ZNF704: variants seen among roughly 807,000 people sequenced by gnomAD.
ZNF704 encodes zinc finger protein 704.
A neutral mutation model predicts 44.7 loss-of-function variants in ZNF704; 10 were observed. That is an observed-to-expected ratio of 0.22 (90% CI 0.14 to 0.38). The LOEUF is 0.38. Ranked by LOEUF, ZNF704 falls within the 10% of genes least tolerant of loss-of-function variation. ZNF704 has a pLI of 1.00. For synonymous variants in ZNF704, 211 were observed against 207.6 expected, an observed-to-expected ratio of 1.02 and a Z score of -0.14; for missense variants, 390 against 545.5, an observed-to-expected ratio of 0.71 and a Z score of 2.84.
At chr8:80,687,623 C>T (rs1488568042) in intron 3 of ZNF704, among the ~76,000 whole-genome samples, 165 bp from the exon 4 acceptor site, 1 of 152,142 alleles carries the variant, frequency 6.6e-6, no homozygotes, top group African/African-American at 2.4e-5. Flanking sequence ...ACGCCCCCTC[C>T]CAAAAGCCAC....
chr8:80,822,051 C>T (rs1808281785), intron 1 of ZNF704, among the ~76,000 whole-genome samples: 1 of 152,174 alleles, frequency 6.6e-6, no homozygotes, highest in Non-Finnish European at 1.5e-5. Flanking sequence ...GTCTTAACCA[C>T]ACTCTGTAGT....
At chr8:80,716,774 G>C (rs574368211) in intron 2 of ZNF704, among the ~76,000 whole-genome samples, 47 of 152,288 alleles carry the variant, frequency 3.1e-4, no homozygotes, top group Non-Finnish European at 6.5e-4. Context: ...CTGAAAACAA[G>C]AACTCAAGAA....
chr8:80,642,929 G>T, intron 8 of ZNF704, 106 bp downstream of exon 8: 1 of 679,310 alleles, frequency 1.5e-6, no homozygotes, highest in Non-Finnish European at 2.2e-6. Context: ...TTTGTCAATT[G>T]TGGAGAAATT....
intron 2 of ZNF704, among the ~76,000 whole-genome samples, chr8:80,800,981 TG>T (rs1410571165): frequency 6.6e-6 from 1 of 151,912 alleles, no homozygotes; most frequent in Non-Finnish European, 1.5e-5. Flanking sequence ...ACCAAGCAAA[TG>T]GAACACAGAA....
At chr8:80,863,220 TCAAAA>T (rs1809099226) in intron 1 of ZNF704, among the ~76,000 whole-genome samples, 1 of 152,140 alleles carries the variant, frequency 6.6e-6, no homozygotes, top group Non-Finnish European at 1.5e-5. Flanking sequence ...AACCTGACAA[TCAAAA>T]CATTTTCAAA....
rs1563500502 is a variant in ZNF704, at chr8:80,641,241, C to T, written c.*125G>A. 1 of 530,206 alleles carries T rather than the reference C, an allele frequency of 1.9e-6. No homozygotes were observed. Among genetic ancestry groups the T allele is most frequent in the Non-Finnish European group, 3.2e-6 (1 of 312,166 alleles). 32.8% of individuals were successfully genotyped at this position (530,206 alleles called of 1,614,324 possible). On this transcript the variant is annotated 3_prime_UTR_variant, in exon 9 of 9. Transcript: ENST00000327835. The stretch of plus-strand genomic sequence containing the variant: ...TTTTTGCTGTTATTCCTCCAAGGTT[C>T]CTGAAAGGGCTTTTCCTGGCTTCAA...
intron 3 of ZNF704, among the ~76,000 whole-genome samples, chr8:80,689,835 T>C (rs1818602682): frequency 6.6e-6 from 1 of 152,166 alleles, no homozygotes; most frequent in Non-Finnish European, 1.5e-5. Context: ...AGAAATGATT[T>C]TTCTCAGAAA....
At chr8:80,673,624 C>CGACT (rs1375234105) in intron 4 of ZNF704, among the ~76,000 whole-genome samples, 2 of 152,124 alleles carry the variant, frequency 1.3e-5, no homozygotes, top group African/African-American at 4.8e-5. Context: ...ATTTAGAAGA[C>CGACT]GACTCATCAG....
rs1817562930 is a variant in ZNF704, at chr8:80,630,332, T to A, written c.*11034A>T. 1.3e-5 allele frequency: 2 copies of A among 152,252 alleles called. No homozygotes were observed. Among genetic ancestry groups the A allele is most frequent in the African/African-American group, 2.4e-5 (1 of 41,468 alleles). 9.4% of individuals were successfully genotyped at this position (152,252 alleles called of 1,614,324 possible). ...GCTTTTGAGTTAGCACTCAATGACA[T>A]GTGAATGCCTGTCATTTCCACACGA... On this transcript the variant is annotated 3_prime_UTR_variant, in exon 9 of 9. Coordinates refer to ENST00000327835, the MANE Select transcript of ZNF704 (RefSeq NM_001033723.3).
chr8:80,724,406 C>T (rs1162509255), intron 2 of ZNF704, among the ~76,000 whole-genome samples: 3 of 152,198 alleles, frequency 2.0e-5, no homozygotes, highest in African/African-American at 7.2e-5. Context: ...TTAAGCTCAT[C>T]CAACCATATA....
intron 2 of ZNF704, among the ~76,000 whole-genome samples, chr8:80,772,250 C>A (rs1807332936): frequency 6.6e-6 from 1 of 151,946 alleles, no homozygotes; most frequent in Non-Finnish European, 1.5e-5. Context: ...GAACTGTTCT[C>A]TTTTTATTTT....
chr8:80,853,559 AT>A (rs1310459127), intron 1 of ZNF704, among the ~76,000 whole-genome samples: 2 of 152,206 alleles, frequency 1.3e-5, no homozygotes, highest in Non-Finnish European at 2.9e-5. Flanking sequence ...GGAAAAAAAA[AT>A]TAAAAAAAAG....
chr8:80,777,113 AT>A (rs960540724), intron 2 of ZNF704, among the ~76,000 whole-genome samples: 2 of 151,894 alleles, frequency 1.3e-5, no homozygotes, highest in Non-Finnish European at 2.9e-5. Flanking sequence ...GGGCAAAGTT[AT>A]TTTTTTTAAA....
intron 2 of ZNF704, among the ~76,000 whole-genome samples, chr8:80,717,342 C>T (rs1819086548): frequency 6.6e-6 from 1 of 152,218 alleles, no homozygotes; most frequent in South Asian, 2.1e-4. Context: ...ATGCCAGGCA[C>T]TGAGGATGCA....
Position 80,692,957 on chromosome 8 carries a change from TC to T in ZNF704, c.325+46del, listed in dbSNP as rs756408383. On this transcript the variant is annotated intron_variant, in intron 3 of 8. Transcript: ENST00000327835. ...GAGACATCTCAAAGAAAGGCCCTGC[TC>T]TTGGTGTCAAGGGGCCCTTCCCTAA... is the stretch of plus-strand genomic sequence containing the variant. 6 of 1,535,100 alleles carry T rather than the reference TC, an allele frequency of 3.9e-6. No homozygotes were observed. In the South Asian group the frequency reaches 6.8e-5, roughly 17 times the overall value.
rs1817609139 is a variant in ZNF704 at position 80,632,837 on chromosome 8, A to G, written c.*8529T>C. The G allele has an allele frequency of 6.6e-6, 1 of 152,180 alleles. No homozygotes were observed. The highest frequency in any genetic ancestry group is 1.5e-5 in the Non-Finnish European group (1 of 68,030). 9.4% of individuals were successfully genotyped at this position (152,180 alleles called of 1,614,324 possible). On this transcript the variant is annotated 3_prime_UTR_variant, in exon 9 of 9. Transcript: ENST00000327835. Reference sequence around the variant, plus strand: ...TATGATTCTTTTCCATCAGAAGAGGAAAGGACTAAACTGTTTCATTCTCCA... The same window carrying G: ...TATGATTCTTTTCCATCAGAAGAGGGAAGGACTAAACTGTTTCATTCTCCA...
intron 7 of ZNF704, among the ~76,000 whole-genome samples, chr8:80,643,433 G>C (rs966505870): frequency 3.4e-5 from 5 of 147,950 alleles, no homozygotes; most frequent in African/African-American, 1.0e-4. Flanking sequence ...CAGGAGAACT[G>C]CTTGAACCCC....
intron 1 of ZNF704, among the ~76,000 whole-genome samples, chr8:80,864,330 A>G (rs1312089988): frequency 6.6e-6 from 1 of 152,222 alleles, no homozygotes; most frequent in Non-Finnish European, 1.5e-5. Context: ...TTATAAACCA[A>G]TATTTCCCAA....
chr8:80,659,291 C>G (rs1818061658), intron 7 of ZNF704, among the ~76,000 whole-genome samples: 1 of 152,140 alleles, frequency 6.6e-6, no homozygotes. Context: ...ATTAATTTTA[C>G]AGTCTTTTGG....
Sources: gnomAD v4.1 joint callset for allele counts (sites outside exome capture counted in the v4.1 genomes callset) on GRCh38, gnomAD v4.1.1 for gene constraint, MANE v1.5 for transcripts, NCBI Gene and HGNC (gene_info 2026-07-23, HGNC 2026-07-21) for gene names.